The following FAM72A variants were observed in gnomAD, a reference collection of about 807,000 sequenced individuals.
FAM72A encodes the protein protein FAM72A.
A neutral mutation model predicts 11.3 loss-of-function variants in FAM72A; 1 was observed. The observed-to-expected ratio is 0.09, with a 90% CI of 0.03 to 0.42. FAM72A has a LOEUF of 0.42. Ranked by LOEUF, FAM72A falls within the 10% of genes least tolerant of loss-of-function variation. The pLI, the probability that FAM72A is intolerant of heterozygous loss-of-function variation, is 0.98. For synonymous variants in FAM72A, 5 were observed against 46.9 expected, an observed-to-expected ratio of 0.11 and a Z score of 3.65; for missense variants, 15 against 135.5, an observed-to-expected ratio of 0.11 and a Z score of 4.41.
At chr1:206,203,107 C>A (rs1665474643), upstream of FAM72A, 1 of 171,472 alleles carries the variant, frequency 5.8e-6, no homozygotes, top group African/African-American at 2.4e-5. Context: ...TTCGGCAAAC[C>A]CTGCCTTCGC....
At chr1:206,203,024 C>A (rs1198595861), upstream of FAM72A, among the ~76,000 whole-genome samples, 5 of 152,202 alleles carry the variant, frequency 3.3e-5, no homozygotes, top group East Asian at 9.7e-4. Context: ...AGTAACGGTG[C>A]TGAGATCAAT....
intron 2 of FAM72A, among the ~76,000 whole-genome samples, chr1:206,197,986 G>A (rs1406430017): frequency 1.3e-4 from 19 of 147,912 alleles, no homozygotes; most frequent in Admixed American, 3.3e-4. Flanking sequence ...TTGGGAGGCC[G>A]AGGCAGGTGG....
chr1:206,199,437 CAG>C (rs1317875049), intron 2 of FAM72A, among the ~76,000 whole-genome samples: 3 of 73,948 alleles, frequency 4.1e-5, no homozygotes, highest in African/African-American at 1.7e-4. Flanking sequence ...AATAAGAAAA[CAG>C]AGGTTCAGCA....
chr1:206,198,981 C>A (rs1571536854), intron 2 of FAM72A, among the ~76,000 whole-genome samples: 2 of 150,642 alleles, frequency 1.3e-5, no homozygotes, highest in East Asian at 3.9e-4. Flanking sequence ...ACTCAGGAGG[C>A]TGAGGCAGGA....
upstream of FAM72A, chr1:206,204,941 A>C (rs2102417395): frequency 7.0e-6 from 1 of 143,028 alleles, no homozygotes; most frequent in African/African-American, 2.7e-5. Context: ...CTGCCAAGAG[A>C]AGCTAGTAAC....
intron 3 of FAM72A, among the ~76,000 whole-genome samples, chr1:206,190,964 T>C (rs1218282362): frequency 1.3e-5 from 2 of 150,804 alleles, no homozygotes; most frequent in Non-Finnish European, 2.9e-5. Flanking sequence ...CAAAACTCAA[T>C]GGCTCCAGGC....
chr1:206,203,595 A>C, upstream of FAM72A: 1 of 587,342 alleles, frequency 1.7e-6, no homozygotes. Context: ...AGAGGGGAGG[A>C]GAGCTCTGAG....
At chr1:206,190,861 A>G in intron 3 of FAM72A, among the ~76,000 whole-genome samples, 1 of 144,902 alleles carries the variant, frequency 6.9e-6, no homozygotes, top group Non-Finnish European at 1.5e-5. Flanking sequence ...ACAGAGCAAG[A>G]CCCTGTCTCC....
chr1:206,191,784 G>A (rs1664820302), intron 3 of FAM72A, among the ~76,000 whole-genome samples: 1 of 142,094 alleles, frequency 7.0e-6, no homozygotes, highest in African/African-American at 2.7e-5. Flanking sequence ...CTGGAGTGCA[G>A]CGGTGCCACC....
At position 206,187,097 on chromosome 1, in the gene FAM72A, A is replaced by G; in HGVS notation, c.*182T>C. On this transcript the variant is annotated 3_prime_UTR_variant, in exon 4 of 4. Coordinates refer to ENST00000367128, the MANE Select transcript of FAM72A (RefSeq NM_001123168.3). ...GAGGAAGTAGAAGTAGAGGAAAAGC[A>G]CAACTTCACTGGCTTCAATCAAACT... 1.1e-6 allele frequency: 1 copy of G among 943,250 alleles called. No homozygotes were observed. 58.4% of individuals were successfully genotyped at this position (943,250 alleles called of 1,614,324 possible).
chr1:206,197,308 T>G (rs1189009436), intron 2 of FAM72A, among the ~76,000 whole-genome samples: 29 of 151,916 alleles, frequency 1.9e-4, no homozygotes, highest in Non-Finnish European at 7.4e-5. Flanking sequence ...TTCTGCTCCC[T>G]GGTTAAAACC....
At chr1:206,204,902 G>T, upstream of FAM72A, 1 of 118,538 alleles carries the variant, frequency 8.4e-6, no homozygotes, top group African/African-American at 4.8e-5. Flanking sequence ...TTTTCCTGCA[G>T]ATTTGCCCCC....
At chr1:206,197,861 C>A (rs1368625162) in intron 2 of FAM72A, among the ~76,000 whole-genome samples, 2 of 151,738 alleles carry the variant, frequency 1.3e-5, no homozygotes, top group African/African-American at 4.8e-5. Flanking sequence ...TTGCAGTGAG[C>A]CGAGATCATG....
rs536805633 is a variant in FAM72A at position 206,190,881 on chromosome 1, A to G, written c.356-3508T>C. Among the ~76,000 whole-genome samples, 536 of 151,000 alleles carry G rather than the reference A, an allele frequency of 3.5e-3. 1 individual carries two copies. The highest frequency in any genetic ancestry group is 0.017 in the Middle Eastern group (5 of 288). Reference sequence around the variant, plus strand: ...GCAAGACCCTGTCTCCAAAAAAAAAAAAAAAGTTCCTTAAAATCAACTTGG... The same window carrying G: ...GCAAGACCCTGTCTCCAAAAAAAAAGAAAAAGTTCCTTAAAATCAACTTGG... On this transcript the variant is annotated intron_variant, in intron 3 of 3. Coordinates refer to ENST00000367128, the MANE Select transcript of FAM72A (RefSeq NM_001123168.3).
intron 3 of FAM72A, among the ~76,000 whole-genome samples, chr1:206,194,243 CGT>C (rs1223734556): frequency 5.3e-5 from 8 of 152,190 alleles, no homozygotes; most frequent in African/African-American, 1.9e-4. Context: ...AGCCTGAAGA[CGT>C]GACTGCATTG....
chr1:206,198,446 A>G (rs1310603669), intron 2 of FAM72A, among the ~76,000 whole-genome samples: 4 of 148,374 alleles, frequency 2.7e-5, no homozygotes, highest in Non-Finnish European at 6.0e-5. Flanking sequence ...CAGCCCTTGT[A>G]ACAATGACTA....
chr1:206,193,159 C>T lies in FAM72A; in HGVS notation c.355+2593G>A, dbSNP rs1301483741. ...AACTCCCAACCTCAGGTGATCTGCC[C>T]GCCTCGGCCTCCCAAACTGCTGGGA... is the stretch of plus-strand genomic sequence containing the variant. On this transcript the variant is annotated intron_variant, in intron 3 of 3. Coordinates refer to ENST00000367128, the MANE Select transcript of FAM72A (RefSeq NM_001123168.3). Among the ~76,000 whole-genome samples, 7 of 151,760 alleles carry T rather than the reference C, an allele frequency of 4.6e-5. No individual in the cohort carries two copies. The South Asian group carries it at 6.2e-4, about 14-fold the overall frequency.
intron 2 of FAM72A, among the ~76,000 whole-genome samples, chr1:206,196,195 T>C (rs1437731148): frequency 8.4e-6 from 1 of 118,480 alleles, no homozygotes; most frequent in Non-Finnish European, 1.8e-5. Context: ...GTGATTCTCC[T>C]GCCTCAGCCT....
intron 3 of FAM72A, 111 bp from the exon 4 acceptor site, chr1:206,187,484 G>T (rs1553297039): frequency 5.3e-6 from 4 of 756,370 alleles, no homozygotes; most frequent in Non-Finnish European, 8.8e-6. Context: ...AGTGTTAGCA[G>T]TAAAAAGAGT....
Sources: gnomAD v4.1 joint callset for allele counts (sites outside exome capture counted in the v4.1 genomes callset) on GRCh38, gnomAD v4.1.1 for gene constraint, MANE v1.5 for transcripts, NCBI Gene and HGNC (gene_info 2026-07-23, HGNC 2026-07-21) for gene names.